The following CSGALNACT1 variants were observed in gnomAD, a reference collection of about 807,000 sequenced individuals.
CSGALNACT1 encodes the protein beta4GalNAcT-1.
CSGALNACT1 carries 52 observed loss-of-function variants against 51.0 expected under a neutral mutation model. The observed-to-expected ratio is 1.02, with a 90% CI of 0.82 to 1.29. The LOEUF (loss-of-function observed/expected upper bound fraction) is 1.29. Among genes scored for constraint, CSGALNACT1 ranks in the 50% most tolerant of loss-of-function variants. The pLI is 0.00. For synonymous variants in CSGALNACT1, 341 were observed against 254.4 expected (o/e 1.34, Z -3.24); for missense variants, 935 against 679.2 (o/e 1.38, Z -4.19).
chr8:19,652,851 C>T (rs1473523850), intron 1 of CSGALNACT1, among the ~76,000 whole-genome samples: 1 of 152,166 alleles, frequency 6.6e-6, no homozygotes, highest in Admixed American at 6.5e-5. Context: ...TTCCTCCAAA[C>T]TCCCTCTCAT....
upstream of CSGALNACT1, among the ~76,000 whole-genome samples, chr8:19,687,460 C>T (rs11778993): frequency 0.53 from 81,063 of 151,954 alleles, 22,227 homozygotes; most frequent in Middle Eastern, 0.62. Context: ...TGTACAATGC[C>T]GTACAGATGT....
chr8:19,631,355 C>T (rs755966770), intron 1 of CSGALNACT1, among the ~76,000 whole-genome samples: 2 of 152,178 alleles, frequency 1.3e-5, no homozygotes, highest in Non-Finnish European at 2.9e-5. Context: ...CACATCCTTG[C>T]TGGTGCTGTG....
At chr8:19,694,211 G>C (rs2061471573) in intron 1 of CSGALNACT1, among the ~76,000 whole-genome samples, 1 of 152,042 alleles carries the variant, frequency 6.6e-6, no homozygotes, top group Non-Finnish European at 1.5e-5. Flanking sequence ...CTTCCTTTTG[G>C]CTACAAAGAT....
intron 1 of CSGALNACT1, among the ~76,000 whole-genome samples, chr8:19,674,278 G>C (rs1167948751): frequency 6.6e-6 from 1 of 152,070 alleles, no homozygotes; most frequent in African/African-American, 2.4e-5. Flanking sequence ...GGGTCACAAA[G>C]TGTGACTGTG....
At chr8:19,508,310 T>A (rs2154004321) in intron 3 of CSGALNACT1, among the ~76,000 whole-genome samples, 1 of 152,364 alleles carries the variant, frequency 6.6e-6, no homozygotes, top group Non-Finnish European at 1.5e-5. Flanking sequence ...CTTTTAGTGA[T>A]ATCACTATGC....
rs542239699 is a variant in CSGALNACT1, at chr8:19,577,770, T to G, written c.-297+13390A>C. ...CAGCCGTCTGACTTGAGTAAGAAGC[T>G]GCAGCAACTTTGGAGTTAATACTGT... On this transcript the variant is annotated intron_variant, in intron 3 of 9. Coordinates refer to ENST00000454498, the Ensembl canonical transcript of CSGALNACT1. Among the ~76,000 whole-genome samples, 340 of 152,178 alleles carry G rather than the reference T, an allele frequency of 2.2e-3. 3 individuals carry two copies. Among genetic ancestry groups the G allele is most frequent in the Admixed American group, 3.0e-3 (46 of 15,288 alleles).
intron 5 of CSGALNACT1, among the ~76,000 whole-genome samples, chr8:19,457,306 T>A (rs796675583): frequency 5.3e-5 from 8 of 152,334 alleles, no homozygotes; most frequent in African/African-American, 1.7e-4. Flanking sequence ...TTCAATAATG[T>A]AAATTTACTA....
chr8:19,438,391 A>C (rs2060745150), intron 6 of CSGALNACT1, among the ~76,000 whole-genome samples: 1 of 152,220 alleles, frequency 6.6e-6, no homozygotes, highest in African/African-American at 2.4e-5. Flanking sequence ...TATATCATTC[A>C]TGTTCTTCGT....
chr8:19,728,092 T>C (rs1411870388), intron 1 of CSGALNACT1, among the ~76,000 whole-genome samples: 2 of 152,138 alleles, frequency 1.3e-5, no homozygotes, highest in East Asian at 3.9e-4. Context: ...GGCTTAAATC[T>C]GGGCTCCAGC....
At chr8:19,679,014 T>C (rs1227093065) in intron 1 of CSGALNACT1, among the ~76,000 whole-genome samples, 6 of 152,230 alleles carry the variant, frequency 3.9e-5, no homozygotes, top group African/African-American at 1.2e-4. Flanking sequence ...ATTATCCCTA[T>C]TCTATGAATA....
chr8:19,616,032 T>G (rs1359246890), intron 1 of CSGALNACT1, among the ~76,000 whole-genome samples: 1 of 152,168 alleles, frequency 6.6e-6, no homozygotes, highest in Non-Finnish European at 1.5e-5. Context: ...CAAGACACTG[T>G]GGATATACAA....
intron 1 of CSGALNACT1, among the ~76,000 whole-genome samples, chr8:19,693,434 T>G (rs2061431218): frequency 1.3e-5 from 2 of 152,142 alleles, no homozygotes; most frequent in South Asian, 4.1e-4. Context: ...GGTGAGTTTA[T>G]CACCCCTATT....
chr8:19,630,194 C>CTGTGTGTGTGTGTGTGTG (rs55947851), intron 1 of CSGALNACT1, among the ~76,000 whole-genome samples: 6 of 137,784 alleles, frequency 4.4e-5, no homozygotes, highest in African/African-American at 1.6e-4. Context: ...TCCCACGTCT[C>CTGTGTGTGTGTGTGTGTG]TGTGTGTGTG....
chr8:19,477,311 G>T (rs2069974527), intron 4 of CSGALNACT1, among the ~76,000 whole-genome samples: 2 of 152,144 alleles, frequency 1.3e-5, no homozygotes, highest in African/African-American at 4.8e-5. Flanking sequence ...ATTTTCCTCA[G>T]AAAAAAGTTC....
intron 1 of CSGALNACT1, among the ~76,000 whole-genome samples, chr8:19,716,290 C>G (rs766818981): frequency 6.6e-6 from 1 of 152,084 alleles, no homozygotes; most frequent in Non-Finnish European, 1.5e-5. Context: ...TCTCTGTGCA[C>G]TCGGCATATC....
chr8:19,486,875 C>T (rs2073080500), intron 4 of CSGALNACT1, among the ~76,000 whole-genome samples: 1 of 152,174 alleles, frequency 6.6e-6, no homozygotes. Context: ...TCCCCATTGC[C>T]TGGGACAGTA....
At chr8:19,529,997 C>G (rs752771018) in intron 3 of CSGALNACT1, among the ~76,000 whole-genome samples, 2 of 152,066 alleles carry the variant, frequency 1.3e-5, no homozygotes, top group African/African-American at 2.4e-5. Context: ...GAGGTGAGCT[C>G]TTGCCTGAGC....
chr8:19,662,277 G>A (rs980003530), intron 1 of CSGALNACT1, among the ~76,000 whole-genome samples: 1 of 151,942 alleles, frequency 6.6e-6, no homozygotes, highest in Non-Finnish European at 1.5e-5. Context: ...CAGCTACTCA[G>A]GAGGCTGAGG....
At chr8:19,563,462 A>G (rs1384782224) in intron 3 of CSGALNACT1, among the ~76,000 whole-genome samples, 2 of 152,186 alleles carry the variant, frequency 1.3e-5, no homozygotes, top group Non-Finnish European at 2.9e-5. Context: ...TATTATTTTC[A>G]GCAGAGACAA....
Sources: allele counts gnomAD v4.1 joint callset (sites outside exome capture counted in the v4.1 genomes callset), GRCh38; gene constraint gnomAD v4.1.1; transcripts MANE v1.5; gene names NCBI Gene and HGNC (gene_info 2026-07-23, HGNC 2026-07-21).